The following HADHB variants were observed in gnomAD, a reference collection of about 807,000 sequenced individuals.
HADHB encodes hydroxyacyl-CoA dehydrogenase trifunctional multienzyme complex subunit beta.
A neutral mutation model predicts 61.9 loss-of-function variants in HADHB; 50 were observed. The observed-to-expected ratio is 0.81, with a 90% CI of 0.64 to 1.02. HADHB has a LOEUF of 1.02. Among genes scored for constraint, HADHB ranks in the 50% least tolerant of loss-of-function variants. The pLI is 0.00. For missense variants in HADHB, 504 were observed against 586.5 expected (o/e 0.86, Z 1.45); for synonymous variants, 191 against 201.6 (o/e 0.95, Z 0.45).
intron 1 of HADHB, among the ~76,000 whole-genome samples, chr2:26,249,984 A>G (rs1422930641): frequency 6.6e-6 from 1 of 152,048 alleles, no homozygotes; most frequent in Admixed American, 6.6e-5. Flanking sequence ...TACAGATTCC[A>G]TGATAGATTG....
chr2:26,267,448 G>A (rs1672133913), intron 4 of HADHB, among the ~76,000 whole-genome samples: 4 of 152,142 alleles, frequency 2.6e-5, no homozygotes, highest in African/African-American at 7.2e-5. Context: ...AATTGCAATA[G>A]TATTGGAACA....
At chr2:26,269,823 C>G in intron 4 of HADHB, 130 bp from the exon 5 acceptor site, 1 of 744,286 alleles carries the variant, frequency 1.3e-6, no homozygotes, top group Non-Finnish European at 2.5e-6. Flanking sequence ...TGATGGACTG[C>G]CTTGGATAGT....
intron 15 of HADHB, among the ~76,000 whole-genome samples, chr2:26,286,813 GTTTT>G (rs1201781156): frequency 9.7e-6 from 1 of 103,532 alleles, no homozygotes; most frequent in Non-Finnish European, 2.0e-5. Flanking sequence ...GCCTGTTTTT[GTTTT>G]TTTTTTTTTT....
rs1000499105 is a variant in HADHB, at chr2:26,290,035, T to C, written c.*82T>C. ...ATTTCAATGCATTACTAAATGACAT[T>C]TGTAGTTCCTAGCTCCTCTTAGGAA... On this transcript the variant is annotated 3_prime_UTR_variant, in exon 16 of 16. Coordinates refer to ENST00000317799, the MANE Select transcript of HADHB (RefSeq NM_000183.3). 6 of 929,106 alleles carry C rather than the reference T, an allele frequency of 6.5e-6. No homozygotes were observed. In the Admixed American group the frequency reaches 6.8e-5, roughly 10 times the overall value. The allele number at this position is 929,106 out of a possible 1,614,324, so 57.6% of individuals were successfully genotyped here.
chr2:26,254,666 T>C, intron 3 of HADHB, 192 bp downstream of exon 3: 1 of 552,332 alleles, frequency 1.8e-6, no homozygotes, highest in Non-Finnish European at 3.2e-6. Flanking sequence ...TATTTAGGAT[T>C]AGGCTTGAGG....
At chr2:26,266,871 C>CAAAAAAAAA (rs56401595) in intron 4 of HADHB, among the ~76,000 whole-genome samples, 963 of 45,384 alleles carry the variant, frequency 0.021, 176 homozygotes, top group African/African-American at 0.029. Flanking sequence ...CACTCTCTCT[C>CAAAAAAAAA]AAAAAAAAAA....
chr2:26,268,731 G>A (rs1440800423), intron 4 of HADHB, among the ~76,000 whole-genome samples: 2 of 152,194 alleles, frequency 1.3e-5, no homozygotes, highest in African/African-American at 2.4e-5. Context: ...ACAGAAAAAG[G>A]ACATTAGTGG....
At chr2:26,285,744 T>TTTTTTTTTTTTTTTTTTTTTTG (rs1673007113) in intron 15 of HADHB, among the ~76,000 whole-genome samples, 173 bp downstream of exon 15, 1 of 112,306 alleles carries the variant, frequency 8.9e-6, no homozygotes, top group Non-Finnish European at 1.9e-5. Flanking sequence ...TTTGGGTTTT[T>TTTTTTTTTTTTTTTTTTTTTTG]TTTTTTTTTT....
intron 4 of HADHB, among the ~76,000 whole-genome samples, chr2:26,265,425 A>G (rs981654497): frequency 1.1e-4 from 17 of 152,108 alleles, no homozygotes; most frequent in Non-Finnish European, 2.1e-4. Context: ...GCAAAACCCC[A>G]TCTCTACTAA....
rs573855448 is a variant in HADHB, at chr2:26,260,359, G to A, written c.110-3021G>A. ...AGCCTCCCAAAGCGGTGAGATTACA[G>A]CGTGAGCCAGCACGCCTGGCTTGGT... On this transcript the variant is annotated intron_variant, in intron 3 of 15. Coordinates refer to ENST00000317799, the MANE Select transcript of HADHB (RefSeq NM_000183.3). Among the ~76,000 whole-genome samples the A allele has an allele frequency of 1.5e-3, 227 of 152,330 alleles. 1 individual carries two copies. The highest frequency in any genetic ancestry group is 4.6e-3 in the Admixed American group (71 of 15,298).
intron 1 of HADHB, among the ~76,000 whole-genome samples, chr2:26,246,905 T>C (rs991473938): frequency 6.6e-6 from 1 of 152,186 alleles, no homozygotes; most frequent in Admixed American, 6.5e-5. Flanking sequence ...TACCCCTAAC[T>C]GTGTATCAAG....
In HADHB at chr2:26,263,467, T is replaced by C. The variant is rs1671943758; in HGVS notation, c.197T>C (p.Leu66Pro). 1 of 1,596,882 alleles carries C rather than the reference T, an allele frequency of 6.3e-7. No homozygotes were observed. The highest frequency in any genetic ancestry group is 1.3e-5 in the African/African-American group (1 of 74,746). ...VVDGVRTPFLLSGTSYKDLMP... is the reference protein window; with the variant it reads ...VVDGVRTPFLPSGTSYKDLMP... ...GATGGTGTTCGCACTCCATTTTTGC[T>C]GTCTGGCACTTCGTAAGTATGACAT... is the stretch of plus-strand genomic sequence containing the variant. Residue 66 changes from leucine to proline, a missense_variant, in exon 4 of 16, where the codon CTG becomes CCG. Coordinates refer to ENST00000317799, the MANE Select transcript of HADHB (RefSeq NM_000183.3).
At position 26,285,540 on chromosome 2, in the gene HADHB, G is replaced by A. The variant is rs1394615753; in HGVS notation, c.1358G>A (p.Gly453Asp). The A allele has an allele frequency of 6.2e-7, 1 of 1,613,948 alleles. No individual in the cohort carries two copies. Among genetic ancestry groups the A allele is most frequent in the Non-Finnish European group, 8.5e-7 (1 of 1,179,992 alleles). ...TTACGGAAAGAAGGAGGCCAGTATG[G>A]CTTAGTGGCTGCGTGTGCAGCTGGA... is the stretch of plus-strand genomic sequence containing the variant. ...NRLRKEGGQY[G>D]LVAACAAGGQ... The change falls in exon 15 of 16, where the codon GGC becomes GAC. Residue 453 changes from glycine (G) to aspartate (D), a missense_variant. Transcript: ENST00000317799.
intron 15 of HADHB, among the ~76,000 whole-genome samples, chr2:26,289,226 G>A (rs993925869): frequency 6.6e-5 from 10 of 152,032 alleles, no homozygotes; most frequent in Admixed American, 4.6e-4. Flanking sequence ...CTCCAGCCTG[G>A]GCAACGGCGA....
chr2:26,263,396 G>C lies in HADHB; in HGVS notation c.126G>C (p.Thr42=). 1 of 1,609,566 alleles carries C rather than the reference G, an allele frequency of 6.2e-7. No homozygotes were observed. The highest frequency in any genetic ancestry group is 1.3e-5 in the African/African-American group (1 of 74,844). The part of the protein sequence containing the change: ...LRAAPAVQTK[T]KKTLAKPNIR... Reference sequence around the variant, plus strand: ...ATCTTAAAGCTGTCCAGACCAAAACGAAGAAGACGTTAGCCAAACCCAATA... The same window carrying C: ...ATCTTAAAGCTGTCCAGACCAAAACCAAGAAGACGTTAGCCAAACCCAATA... Residue 42 remains threonine (T), a synonymous_variant, in exon 4 of 16, where the codon ACG becomes ACC. Coordinates refer to ENST00000317799, the MANE Select transcript of HADHB (RefSeq NM_000183.3).
chr2:26,285,307 G>A lies in HADHB; in HGVS notation c.1225-100G>A, dbSNP rs184197632. On this transcript the variant is annotated intron_variant, in intron 14 of 15. Transcript: ENST00000317799. ...TTATTTGTAATATGTCTGACGTTACGTATTTTCCTCTATCTCTCTTACTTC... is the reference window on the plus strand; with the variant it reads ...TTATTTGTAATATGTCTGACGTTACATATTTTCCTCTATCTCTCTTACTTC... 12,943 of 982,724 alleles carry A rather than the reference G, an allele frequency of 0.013. 121 individuals are homozygous for A. The highest frequency in any genetic ancestry group is 0.015 in the Non-Finnish European group (9,491 of 612,642). 60.9% of individuals were successfully genotyped at this position (982,724 alleles called of 1,614,324 possible).
intron 1 of HADHB, chr2:26,245,322 C>T (rs1671097351): frequency 6.3e-6 from 1 of 157,594 alleles, no homozygotes; most frequent in Non-Finnish European, 1.4e-5. Context: ...TAATGTAACC[C>T]TGGTCTGCGT....
rs775105552 is a variant in HADHB, at chr2:26,280,000, A to G, written c.818A>G (p.Asp273Gly). The G allele has an allele frequency of 6.2e-7, 1 of 1,608,210 alleles. No homozygotes were observed. The highest frequency in any genetic ancestry group is 1.1e-5 in the South Asian group (1 of 90,884). The stretch of plus-strand genomic sequence containing the variant: ...AAATTCATTTTTTTAATAGGAAAAG[A>G]TACAGTTACCAAAGATAATGGCATC... Reference protein sequence around the residue: ...DVVPFKVPGKDTVTKDNGIRP... With the variant: ...DVVPFKVPGKGTVTKDNGIRP... Residue 273 changes from aspartate to glycine, a missense_variant, in exon 10 of 16, where the codon GAT becomes GGT. Transcript: ENST00000317799.
At chr2:26,270,077 G>A in intron 5 of HADHB, 80 bp downstream of exon 5, 1 of 949,622 alleles carries the variant, frequency 1.1e-6, no homozygotes, top group Non-Finnish European at 1.7e-6. Flanking sequence ...ATAGCAATTT[G>A]TTCTTATTTT....
Sources: gnomAD v4.1 joint callset for allele counts (sites outside exome capture counted in the v4.1 genomes callset) on GRCh38, gnomAD v4.1.1 for gene constraint, MANE v1.5 for transcripts, NCBI Gene and HGNC (gene_info 2026-07-23, HGNC 2026-07-21) for gene names.